NCOA7: variants seen among roughly 807,000 people sequenced by gnomAD.
NCOA7 encodes the protein 140 kDa estrogen receptor-associated protein.
In NCOA7, 45 loss-of-function variants were observed where a neutral mutation model predicts 104.3. The ratio of observed to expected loss-of-function variants is 0.43; its 90% CI spans 0.34 to 0.55. The LOEUF (loss-of-function observed/expected upper bound fraction) is 0.55, where lower values mean the gene tolerates loss of function less well. Ranked by LOEUF, NCOA7 falls within the 20% of genes least tolerant of loss-of-function variation. The pLI is 0.02. For synonymous variants in NCOA7, 398 were observed against 402.3 expected (o/e 0.99, Z 0.13); for missense variants, 1,041 against 1,119.7 (o/e 0.93, Z 1.00).
intron 2 of NCOA7, among the ~76,000 whole-genome samples, chr6:125,843,474 AT>A (rs1780344445): frequency 6.6e-6 from 1 of 152,218 alleles, no homozygotes; most frequent in Non-Finnish European, 1.5e-5. Context: ...CATCCAGTCA[AT>A]TTAACTATGT....
chr6:125,849,422 A>G (rs1268561871), intron 2 of NCOA7, among the ~76,000 whole-genome samples: 1 of 152,250 alleles, frequency 6.6e-6, no homozygotes, highest in Non-Finnish European at 1.5e-5. Context: ...ACATTGCCTC[A>G]TTCTTCTGCC....
At chr6:125,790,180 T>C (rs1774699176), upstream of NCOA7, among the ~76,000 whole-genome samples, 1 of 152,242 alleles carries the variant, frequency 6.6e-6, no homozygotes, top group Admixed American at 6.5e-5. Context: ...TGGGCCCCTC[T>C]GTTAAACGCA....
intron 15 of NCOA7, 73 bp downstream of exon 15, chr6:125,928,320 C>T (rs896538685): frequency 1.9e-5 from 26 of 1,366,162 alleles, no homozygotes; most frequent in East Asian, 4.6e-5. Context: ...TTTTGACCTA[C>T]GTAGTTAAAA....
At chr6:125,881,772 T>C (rs12182937) in intron 6 of NCOA7, among the ~76,000 whole-genome samples, 1 of 146,682 alleles carries the variant, frequency 6.8e-6, no homozygotes, top group East Asian at 2.0e-4. Context: ...CTCCTTTTTT[T>C]AAAAAAAAAA....
rs751052039 is a variant in NCOA7, at chr6:125,874,962, A to G, written c.345A>G (p.Glu115=). Residue 115 remains glutamate, a synonymous_variant, in exon 4 of 16, where the codon GAA becomes GAG. Transcript: ENST00000392477. ...TTCAGAAGCCCCATGGGACTATGGA[A>G]TACACTGTGAGTATAACCAAGGTGG... ...MVVQKPHGTM[E]YTAGNQDTLN... The G allele has an allele frequency of 6.2e-7, 1 of 1,611,092 alleles. No individual in the cohort carries two copies. The highest frequency in any genetic ancestry group is 8.5e-7 in the Non-Finnish European group (1 of 1,177,328).
At chr6:125,814,928 G>A (rs1421152905) in intron 1 of NCOA7, among the ~76,000 whole-genome samples, 5 of 152,228 alleles carry the variant, frequency 3.3e-5, no homozygotes, top group South Asian at 4.1e-4. Flanking sequence ...CTTATTAATT[G>A]CTTGGGAAGA....
At chr6:125,838,185 A>C (rs939872654) in intron 2 of NCOA7, among the ~76,000 whole-genome samples, 2 of 152,170 alleles carry the variant, frequency 1.3e-5, no homozygotes, top group Non-Finnish European at 2.9e-5. Context: ...GTGTTTACCC[A>C]AGCCTACAAT....
chr6:125,827,766 G>A (rs1025400667), intron 2 of NCOA7, among the ~76,000 whole-genome samples: 3 of 152,190 alleles, frequency 2.0e-5, no homozygotes, highest in Non-Finnish European at 2.9e-5. Context: ...GCAGCTTCCT[G>A]GATCTGCAAG....
At chr6:125,873,477 G>T (rs1427245542) in intron 3 of NCOA7, among the ~76,000 whole-genome samples, 1 of 151,990 alleles carries the variant, frequency 6.6e-6, no homozygotes, top group Non-Finnish European at 1.5e-5. Context: ...TTACCCTTTT[G>T]GTGTATATTT....
At chr6:125,861,919 T>C (rs55650703) in intron 3 of NCOA7, among the ~76,000 whole-genome samples, 18,501 of 122,242 alleles carry the variant, frequency 0.15, 1,879 homozygotes, top group African/African-American at 0.26. Flanking sequence ...TGCCTGTAAT[T>C]CCAGCTACTC....
chr6:125,864,704 C>G lies in NCOA7; in HGVS notation c.271+9464C>G, dbSNP rs142770058. Among the ~76,000 whole-genome samples the G allele has an allele frequency of 1.5e-5, 2 of 136,846 alleles. 1 individual carries two copies. Among genetic ancestry groups the G allele is most frequent in the Non-Finnish European group, 3.1e-5 (2 of 64,714 alleles). 89.8% of individuals were successfully genotyped at this position (136,846 alleles called of 152,430 possible). On this transcript the variant is annotated intron_variant, in intron 3 of 15. Transcript: ENST00000392477. The stretch of plus-strand genomic sequence containing the variant: ...GAGCCAGGATGAGGGAAAAATACGC[C>G]GAGTTTGCCAGTGTCTTGATCTCGG...
At chr6:125,898,000 TAG>T in intron 10 of NCOA7, among the ~76,000 whole-genome samples, 1 of 152,228 alleles carries the variant, frequency 6.6e-6, no homozygotes, top group South Asian at 2.1e-4. Context: ...TGTTGAGTAG[TAG>T]CATCCATACA....
In NCOA7 at chr6:125,830,482, A is replaced by C. The variant is rs550267480; in HGVS notation, c.50+15078A>C. ...GGTGGAAGGATTGTTTGAGGCCAGA[A>C]GCTCAAGACCAGCCTGGGCAACATA... On this transcript the variant is annotated intron_variant, in intron 2 of 15. Coordinates refer to ENST00000392477, the MANE Select transcript of NCOA7 (RefSeq NM_181782.5). 1.3e-4 allele frequency among the ~76,000 whole-genome samples: 20 copies of C among 152,294 alleles called. No homozygotes were observed. The South Asian group carries it at 3.9e-3, about 30-fold the overall frequency.
chr6:125,849,719 G>T (rs1183964597), intron 2 of NCOA7, among the ~76,000 whole-genome samples: 9 of 152,286 alleles, frequency 5.9e-5, no homozygotes. Context: ...AGATAGAATT[G>T]ACAAGTCTTG....
chr6:125,910,300 T>G (rs138630550), intron 10 of NCOA7, among the ~76,000 whole-genome samples: 1 of 152,180 alleles, frequency 6.6e-6, no homozygotes, highest in Non-Finnish European at 1.5e-5. Context: ...TCAAGTCAGC[T>G]AGCCAGCAAC....
upstream of NCOA7, chr6:125,786,215 T>C (rs1774456458): frequency 6.6e-6 from 1 of 152,186 alleles, no homozygotes; most frequent in African/African-American, 2.4e-5. Context: ...CTGAGTCAAG[T>C]AAGTGTATGA....
chr6:125,914,524 A>G (rs1005954419), intron 10 of NCOA7, among the ~76,000 whole-genome samples: 2 of 152,242 alleles, frequency 1.3e-5, no homozygotes, highest in African/African-American at 2.4e-5. Flanking sequence ...TTTAAAAATC[A>G]TAAGTTAACG....
intron 2 of NCOA7, among the ~76,000 whole-genome samples, chr6:125,846,078 A>G (rs1279163131): frequency 6.6e-6 from 1 of 152,024 alleles, no homozygotes; most frequent in Non-Finnish European, 1.5e-5. Context: ...GTCAATTTTG[A>G]TATTTTCTAG....
intron 1 of NCOA7, among the ~76,000 whole-genome samples, chr6:125,804,077 A>C (rs1433048853): frequency 6.6e-6 from 1 of 152,156 alleles, no homozygotes; most frequent in Non-Finnish European, 1.5e-5. Flanking sequence ...TATTCTCTGC[A>C]AGGATTTGGA....
Sources: allele counts gnomAD v4.1 joint callset (sites outside exome capture counted in the v4.1 genomes callset), GRCh38; gene constraint gnomAD v4.1.1; transcripts MANE v1.5; gene names NCBI Gene and HGNC (gene_info 2026-07-23, HGNC 2026-07-21).